NRP1: variants seen among roughly 807,000 people sequenced by gnomAD.
NRP1 encodes neuropilin 1.
Under a neutral mutation model 106.7 loss-of-function variants are expected in NRP1, and 35 were observed. That is an observed-to-expected ratio of 0.33 (90% CI 0.25 to 0.43). NRP1 has a LOEUF of 0.43. NRP1 is among the 20% of genes least tolerant of loss of function. The pLI, the probability that NRP1 is intolerant of heterozygous loss-of-function variation, is 1.00. For synonymous variants in NRP1, 437 were observed against 417.9 expected (o/e 1.05, Z -0.56); for missense variants, 1,024 against 1,170.4 (o/e 0.87, Z 1.83).
chr10:33,204,738 T>A (rs2132720783), intron 10 of NRP1, among the ~76,000 whole-genome samples: 1 of 152,280 alleles, frequency 6.6e-6, no homozygotes, highest in Admixed American at 6.5e-5. Flanking sequence ...TTATTTCTTT[T>A]TTCTTTTTTT....
intron 11 of NRP1, chr10:33,201,704 T>C (rs978060637): frequency 1.2e-4 from 19 of 152,210 alleles, no homozygotes; most frequent in Non-Finnish European, 2.4e-4. Context: ...ATTGGCCATA[T>C]GAATGTAAAT....
chr10:33,202,588 T>C, intron 11 of NRP1: 5 of 1,384,840 alleles, frequency 3.6e-6, no homozygotes, highest in Non-Finnish European at 3.8e-6. Flanking sequence ...CTGAAAATAA[T>C]GAAAATAAGG....
intron 2 of NRP1, among the ~76,000 whole-genome samples, chr10:33,275,446 T>C (rs950672138): frequency 6.6e-6 from 1 of 152,126 alleles, no homozygotes; most frequent in Non-Finnish European, 1.5e-5. Context: ...CATGCACTTG[T>C]AGTGCCAGCT....
chr10:33,214,812 A>C (rs552724406), intron 8 of NRP1, among the ~76,000 whole-genome samples: 87 of 152,288 alleles, frequency 5.7e-4, no homozygotes, highest in African/African-American at 2.1e-3. Flanking sequence ...GCTTGGGGGA[A>C]ATGGAGATTG....
At chr10:33,204,203 G>A (rs908306121) in intron 10 of NRP1, among the ~76,000 whole-genome samples, 2 of 152,114 alleles carry the variant, frequency 1.3e-5, no homozygotes, top group African/African-American at 4.8e-5. Context: ...TCGCCAGTAG[G>A]AATGTGTCAG....
Position 33,334,456 on chromosome 10 carries a change from C to T in NRP1, c.-74G>A, listed in dbSNP as rs1408875272. The T allele has an allele frequency of 4.4e-6, 6 of 1,352,722 alleles. No individual in the cohort carries two copies. Among genetic ancestry groups the T allele is most frequent in the East Asian group, 5.0e-5 (2 of 39,838 alleles). The allele number at this position is 1,352,722 out of a possible 1,614,324, so 83.8% of individuals were successfully genotyped here. The stretch of plus-strand genomic sequence containing the variant: ...GGGGAAATGCAGCAAAGAGGAGAAT[C>T]TAAGCGATCCGAAGAGCCCCAACTC... On this transcript the variant is annotated 5_prime_UTR_variant, in exon 1 of 17. Coordinates refer to ENST00000374867, the MANE Select transcript of NRP1 (RefSeq NM_003873.7).
intron 9 of NRP1, 114 bp from the exon 10 acceptor site, chr10:33,207,830 T>G: frequency 9.4e-7 from 1 of 1,068,432 alleles, no homozygotes; most frequent in African/African-American, 1.6e-5. Context: ...ATTGGCTTCA[T>G]TCTACCACTT....
intron 4 of NRP1, among the ~76,000 whole-genome samples, chr10:33,258,331 A>G (rs1230157579): frequency 6.6e-6 from 1 of 152,220 alleles, no homozygotes; most frequent in Non-Finnish European, 1.5e-5. Flanking sequence ...TTAGCGCAAC[A>G]ATGGGTTGCT....
At chr10:33,323,346 C>A (rs147468758) in intron 2 of NRP1, among the ~76,000 whole-genome samples, 1 of 152,092 alleles carries the variant, frequency 6.6e-6, no homozygotes, top group East Asian at 1.9e-4. Context: ...GCAATAAAGA[C>A]CTGGGCTTGA....
intron 2 of NRP1, among the ~76,000 whole-genome samples, chr10:33,286,600 A>C (rs930257054): frequency 6.6e-6 from 1 of 152,154 alleles, no homozygotes; most frequent in Non-Finnish European, 1.5e-5. Context: ...GAGCCAAAGA[A>C]ATGCCTGGAT....
At chr10:33,304,484 TTTACTTA>T (rs1393649278) in intron 2 of NRP1, among the ~76,000 whole-genome samples, 7 of 152,190 alleles carry the variant, frequency 4.6e-5, no homozygotes, top group Non-Finnish European at 1.0e-4. Context: ...AGCCTATTTA[TTTACTTA>T]TTACCAATTA....
chr10:33,244,343 C>G (rs1231631542), intron 6 of NRP1, among the ~76,000 whole-genome samples: 1 of 152,184 alleles, frequency 6.6e-6, no homozygotes. Flanking sequence ...TTAATGCACT[C>G]TGTAAAAGGT....
At chr10:33,237,487 GCACACACACACACA>G (rs111698441) in intron 6 of NRP1, among the ~76,000 whole-genome samples, 4 of 144,754 alleles carry the variant, frequency 2.8e-5, no homozygotes, top group South Asian at 2.2e-4. Flanking sequence ...ACATGCGCGC[GCACACACACACACA>G]CACACACACA....
At chr10:33,304,796 AC>A (rs1277568418) in intron 2 of NRP1, among the ~76,000 whole-genome samples, 1 of 152,186 alleles carries the variant, frequency 6.6e-6, no homozygotes, top group Non-Finnish European at 1.5e-5. Flanking sequence ...GCATCTGGCC[AC>A]CCCTTGAAAG....
At chr10:33,290,739 C>T (rs1302719045) in intron 2 of NRP1, among the ~76,000 whole-genome samples, 3 of 152,052 alleles carry the variant, frequency 2.0e-5, no homozygotes, top group South Asian at 4.1e-4. Flanking sequence ...GATTCACAAA[C>T]GAGATACCAG....
chr10:33,219,113 C>T (rs1399744166), intron 8 of NRP1, among the ~76,000 whole-genome samples: 1 of 152,168 alleles, frequency 6.6e-6, no homozygotes, highest in Non-Finnish European at 1.5e-5. Flanking sequence ...CTTGCTGGGG[C>T]ATATGCTAGG....
At chr10:33,227,992 C>A (rs552062013) in intron 6 of NRP1, among the ~76,000 whole-genome samples, 2 of 150,792 alleles carry the variant, frequency 1.3e-5, no homozygotes, top group South Asian at 4.4e-4. Context: ...CTCCTTATTA[C>A]CAGCATTAAT....
At chr10:33,230,597 ATGTGTGTGTGTGTGTGTGTGTG>A (rs10558085) in intron 6 of NRP1, among the ~76,000 whole-genome samples, 1 of 144,580 alleles carries the variant, frequency 6.9e-6, no homozygotes, top group Non-Finnish European at 1.5e-5. Context: ...TTTCTCATAT[ATGTGTGTGTGTGTGTGTGTGTG>A]TGTGTGTGTG....
At chr10:33,272,257 G>T (rs764394531) in intron 2 of NRP1, among the ~76,000 whole-genome samples, 22 of 152,190 alleles carry the variant, frequency 1.4e-4, no homozygotes, top group Non-Finnish European at 2.2e-4. Context: ...CTGTGTGCCA[G>T]CTTTGTGTAT....
Sources: gnomAD v4.1 joint callset for allele counts (sites outside exome capture counted in the v4.1 genomes callset) on GRCh38, gnomAD v4.1.1 for gene constraint, MANE v1.5 for transcripts, NCBI Gene and HGNC (gene_info 2026-07-23, HGNC 2026-07-21) for gene names.